Variants in YEATS2 observed in about 807,000 individuals in gnomAD.
The protein encoded by YEATS2 is YEATS domain containing 2.
A neutral mutation model predicts 163.2 loss-of-function variants in YEATS2; 77 were observed. That is an observed-to-expected ratio of 0.47 (90% CI 0.39 to 0.57). The LOEUF (loss-of-function observed/expected upper bound fraction) is 0.57. YEATS2 is among the 20% of genes least tolerant of loss of function. The probability of loss-of-function intolerance (pLI) is 0.00; values close to 1 mark genes in which losing one functional copy is unlikely to be tolerated. For missense variants in YEATS2, 1,549 were observed against 1,729.8 expected, an observed-to-expected ratio of 0.90 and a Z score of 1.85; for synonymous variants, 631 against 645.1, an observed-to-expected ratio of 0.98 and a Z score of 0.33.
At position 183,783,872 on chromosome 3, in the gene YEATS2, AT is replaced by A. The variant is rs145403467; in HGVS notation, c.2737-2249del. 0.011 allele frequency among the ~76,000 whole-genome samples: 1,634 copies of A among 152,022 alleles called. 66 individuals are homozygous for A. The East Asian group carries it at 0.14, about 13-fold the overall frequency. ...ATGTGTCTTTTTAGTAGAATGATTT[AT>A]TTTCTTTTGGATATATACACATAGA... On this transcript the variant is annotated intron_variant, in intron 19 of 30. Coordinates refer to ENST00000305135, the MANE Select transcript of YEATS2 (RefSeq NM_018023.5).
chr3:183,733,742 A>T (rs1718052017), intron 7 of YEATS2, among the ~76,000 whole-genome samples: 1 of 152,186 alleles, frequency 6.6e-6, no homozygotes, highest in Non-Finnish European at 1.5e-5. Context: ...CCTGACAAAG[A>T]GGTGGGTGGA....
At chr3:183,783,613 A>G (rs1008753954) in intron 19 of YEATS2, among the ~76,000 whole-genome samples, 1 of 152,124 alleles carries the variant, frequency 6.6e-6, no homozygotes, top group Non-Finnish European at 1.5e-5. Flanking sequence ...CATTTACCCA[A>G]CGATTAGCTC....
chr3:183,760,508 G>A (rs1011103454), intron 13 of YEATS2, among the ~76,000 whole-genome samples: 1 of 151,988 alleles, frequency 6.6e-6, no homozygotes, highest in Non-Finnish European at 1.5e-5. Context: ...TTTTAGTAGA[G>A]ACGGGGTTTC....
intron 7 of YEATS2, 92 bp downstream of exon 7, chr3:183,728,943 A>C: frequency 7.4e-7 from 1 of 1,348,356 alleles, no homozygotes; most frequent in Admixed American, 2.1e-5. Context: ...CATTTCCTGG[A>C]AATGCAGTAG....
At chr3:183,701,071 G>GTATA (rs1203758862) in intron 1 of YEATS2, among the ~76,000 whole-genome samples, 1 of 146,676 alleles carries the variant, frequency 6.8e-6, no homozygotes, top group African/African-American at 2.5e-5. Flanking sequence ...GTGTGTGTGT[G>GTATA]TATATATATA....
chr3:183,777,536 A>C lies in YEATS2; in HGVS notation c.2578-6A>C, dbSNP rs570465832. On this transcript the variant is annotated splice_region_variant and splice_polypyrimidine_tract_variant and intron_variant, in intron 18 of 30. Transcript: ENST00000305135. ...GATTAGTTCTTTATATTTTTTTCTA[A>C]CTTAGGGCACATTTTTAGTTGGCCA... is the stretch of plus-strand genomic sequence containing the variant. 1 of 1,611,662 alleles carries C rather than the reference A, an allele frequency of 6.2e-7. No homozygotes were observed. Among genetic ancestry groups the C allele is most frequent in the South Asian group, 1.1e-5 (1 of 90,658 alleles).
At chr3:183,753,975 T>A in intron 10 of YEATS2, 151 bp from the exon 11 acceptor site, 1 of 1,021,096 alleles carries the variant, frequency 9.8e-7, no homozygotes, top group Non-Finnish European at 1.4e-6. Context: ...TCACCAAAAA[T>A]ATGAAGGGAT....
intron 6 of YEATS2, among the ~76,000 whole-genome samples, chr3:183,725,041 C>CT (rs62826962): frequency 0.35 from 30,826 of 87,350 alleles, 6,071 homozygotes; most frequent in Middle Eastern, 0.49. Flanking sequence ...CCGTGCCGGC[C>CT]TTTTTTTTTT....
chr3:183,716,763 G>C (rs112500328), intron 2 of YEATS2, among the ~76,000 whole-genome samples: 1 of 152,032 alleles, frequency 6.6e-6, no homozygotes, highest in Admixed American at 6.6e-5. Flanking sequence ...GCAGTTTTTT[G>C]TTTGTTACTG....
At chr3:183,761,812 G>A (rs1300778093) in intron 14 of YEATS2, among the ~76,000 whole-genome samples, 198 bp downstream of exon 14, 1 of 152,192 alleles carries the variant, frequency 6.6e-6, no homozygotes, top group East Asian at 1.9e-4. Flanking sequence ...GGAGCACAGT[G>A]TGTTTGTTTC....
chr3:183,777,650 C>A lies in YEATS2; in HGVS notation c.2686C>A (p.Gln896Lys). 1 of 1,614,182 alleles carries A rather than the reference C, an allele frequency of 6.2e-7. No individual in the cohort carries two copies. The highest frequency in any genetic ancestry group is 8.5e-7 in the Non-Finnish European group (1 of 1,180,020). The change falls in exon 19 of 31, where the codon CAA becomes AAA. Residue 896 changes from glutamine to lysine, a missense_variant. Transcript: ENST00000305135. The stretch of plus-strand genomic sequence containing the variant: ...AGTCAGCACATCTTCTGCACAAGGA[C>A]AACAAACGCTAAAAGTCATCTCTGG... ...LGVSTSSAQG[Q>K]QTLKVISGQK...
rs1473319820 is a variant in YEATS2, at chr3:183,715,137, T to G, written c.-19-7T>G. ...TTAAAAATTATTAATTTATCATTGC[T>G]TCACAGTGAAGAACTGAATGTCATC... On this transcript the variant is annotated splice_polypyrimidine_tract_variant and splice_region_variant and intron_variant, in intron 1 of 30. Coordinates refer to ENST00000305135, the MANE Select transcript of YEATS2 (RefSeq NM_018023.5). 4 of 1,540,512 alleles carry G rather than the reference T, an allele frequency of 2.6e-6. No homozygotes were observed. The highest frequency in any genetic ancestry group is 3.6e-6 in the Non-Finnish European group (4 of 1,119,684).
intron 1 of YEATS2, 149 bp from the exon 2 acceptor site, chr3:183,714,995 C>T: frequency 1.9e-6 from 1 of 520,220 alleles, no homozygotes; most frequent in South Asian, 3.3e-5. Flanking sequence ...TACACATACC[C>T]ACAGACTTGC....
Position 183,754,202 on chromosome 3 carries a change from C to G in YEATS2, c.1227C>G (p.Thr409=). The part of the protein sequence containing the change: ...ALPSSLERTP[T]KMTTSQKVTF... ...CATCTTCATTGGAAAGAACACCCAC[C>G]AAAATGACTACATCCCAGAAAGTTA... Residue 409 remains threonine, a synonymous_variant, in exon 11 of 31, where the codon ACC becomes ACG. Coordinates refer to ENST00000305135, the MANE Select transcript of YEATS2 (RefSeq NM_018023.5). 6.2e-7 allele frequency: 1 copy of G among 1,613,718 alleles called. No individual in the cohort carries two copies. The highest frequency in any genetic ancestry group is 8.5e-7 in the Non-Finnish European group (1 of 1,179,734).
Position 183,754,242 on chromosome 3 carries a change from G to A in YEATS2, c.1267G>A (p.Gly423Ser). 2 of 1,613,998 alleles carry A rather than the reference G, an allele frequency of 1.2e-6. No homozygotes were observed. Among genetic ancestry groups the A allele is most frequent in the Non-Finnish European group, 1.7e-6 (2 of 1,179,984 alleles). Residue 423 changes from glycine to serine, a missense_variant, in exon 11 of 31, where the codon GGC becomes AGC. By Grantham distance (56) the Gly-to-Ser change is moderately conservative (BLOSUM62 0). Coordinates refer to ENST00000305135, the MANE Select transcript of YEATS2 (RefSeq NM_018023.5). ...CCAGAAAGTTACCTTTTGTTCCCAT[G>A]GCAATTCAGCTTTCCAGCCAATAGC... is the stretch of plus-strand genomic sequence containing the variant. Reference protein sequence around the residue: ...TSQKVTFCSHGNSAFQPIASS... With the variant: ...TSQKVTFCSHSNSAFQPIASS...
intron 1 of YEATS2, among the ~76,000 whole-genome samples, chr3:183,705,672 A>G (rs1351289494): frequency 6.6e-6 from 1 of 152,178 alleles, no homozygotes. Flanking sequence ...CAAATAGATT[A>G]ATGATGAAAA....
intron 17 of YEATS2, among the ~76,000 whole-genome samples, chr3:183,774,391 C>G (rs1014047682): frequency 2.6e-5 from 4 of 152,104 alleles, no homozygotes; most frequent in African/African-American, 7.2e-5. Flanking sequence ...GCCTGATGAT[C>G]TGAGGTGGAA....
chr3:183,810,834 C>T lies in YEATS2; in HGVS notation c.*251C>T. On this transcript the variant is annotated 3_prime_UTR_variant, in exon 31 of 31. Transcript: ENST00000305135. ...ATCCGTGCTTTGTCGGCCAGCGTTT[C>T]TGCAGTCTTTGTAAAGGCCCCACGA... The T allele has an allele frequency of 2.1e-6, 1 of 479,166 alleles. No homozygotes were observed. Among genetic ancestry groups the T allele is most frequent in the South Asian group, 2.1e-5 (1 of 47,184 alleles). 29.7% of individuals were successfully genotyped at this position (479,166 alleles called of 1,614,324 possible).
At chr3:183,704,958 GA>G (rs1249634391) in intron 1 of YEATS2, among the ~76,000 whole-genome samples, 6 of 152,030 alleles carry the variant, frequency 3.9e-5, no homozygotes, top group African/African-American at 1.4e-4. Flanking sequence ...ATTTTTAAAA[GA>G]TTTTTTTCTG....
Sources: allele counts gnomAD v4.1 joint callset (sites outside exome capture counted in the v4.1 genomes callset), GRCh38; gene constraint gnomAD v4.1.1; transcripts MANE v1.5; gene names NCBI Gene and HGNC (gene_info 2026-07-23, HGNC 2026-07-21).